Variants in PRPSAP2 observed in about 807,000 individuals in gnomAD.
PRPSAP2 encodes phosphoribosyl pyrophosphate synthase-associated protein 2.
PRPSAP2 carries 24 observed loss-of-function variants against 40.6 expected under a neutral mutation model. That is an observed-to-expected ratio of 0.59 (90% CI 0.43 to 0.83). PRPSAP2 has a LOEUF of 0.83. PRPSAP2 is among the 40% of genes least tolerant of loss of function. PRPSAP2 has a pLI of 0.00. For missense variants in PRPSAP2, 292 were observed against 465.6 expected, an observed-to-expected ratio of 0.63 and a Z score of 3.43; for synonymous variants, 149 against 164.7, an observed-to-expected ratio of 0.90 and a Z score of 0.73.
chr17:18,914,495 A>G (rs1298329843), intron 9 of PRPSAP2, among the ~76,000 whole-genome samples: 1 of 151,456 alleles, frequency 6.6e-6, no homozygotes, highest in Admixed American at 6.6e-5. Context: ...CTTGGGCTCA[A>G]GCAATCCTCC....
intron 7 of PRPSAP2, among the ~76,000 whole-genome samples, chr17:18,883,586 A>C (rs1597597812): frequency 6.6e-6 from 1 of 151,902 alleles, no homozygotes; most frequent in Non-Finnish European, 1.5e-5. Context: ...ATGGGGTTTC[A>C]CCATGTTGGC....
chr17:18,922,923 T>C (rs1489686758), intron 9 of PRPSAP2, among the ~76,000 whole-genome samples: 1 of 151,478 alleles, frequency 6.6e-6, no homozygotes, highest in Non-Finnish European at 1.5e-5. Context: ...AGGCAATCTG[T>C]CCACCTCGGC....
intron 8 of PRPSAP2, 117 bp from the exon 9 acceptor site, chr17:18,910,986 C>T: frequency 8.0e-7 from 1 of 1,243,194 alleles, no homozygotes. Flanking sequence ...TCTCTCTTTT[C>T]TTTAGTCCTT....
chr17:18,926,354 C>T (rs1242113127), intron 10 of PRPSAP2, among the ~76,000 whole-genome samples: 1 of 151,672 alleles, frequency 6.6e-6, no homozygotes, highest in East Asian at 1.9e-4. Flanking sequence ...GCAACCTCCA[C>T]CTCCTGGGTT....
intron 5 of PRPSAP2, among the ~76,000 whole-genome samples, chr17:18,875,943 G>A (rs2038269278): frequency 6.6e-6 from 1 of 151,784 alleles, no homozygotes; most frequent in Admixed American, 6.6e-5. Flanking sequence ...AGACCAGCCT[G>A]ACCAACATGG....
Position 18,923,765 on chromosome 17 carries a change from G to GTT in PRPSAP2, c.734-149_734-148insTT. On this transcript the variant is annotated intron_variant, in intron 9 of 11. Transcript: ENST00000268835. ...GCCATAAAGTATCAAGTTAGCTGTG[G>GTT]GTTTTTGTAGTTGCCCTTAATCAGA... 2.9e-6 allele frequency: 2 copies of GTT among 682,146 alleles called. 1 individual carries two copies. The highest frequency in any genetic ancestry group is 5.2e-5 in the South Asian group (2 of 38,530). The allele number at this position is 682,146 out of a possible 1,614,324, so 42.3% of individuals were successfully genotyped here. A position where few individuals can be genotyped will look rare whatever the true frequency, so the allele number is the denominator to read the frequency against.
chr17:18,886,077 A>G (rs1217199321), intron 7 of PRPSAP2, among the ~76,000 whole-genome samples: 1 of 152,062 alleles, frequency 6.6e-6, no homozygotes, highest in Non-Finnish European at 1.5e-5. Flanking sequence ...CGTGTGTTAG[A>G]GCCTCTTAAA....
intron 8 of PRPSAP2, among the ~76,000 whole-genome samples, chr17:18,899,818 GA>G (rs914312528): frequency 4.6e-5 from 7 of 151,876 alleles, no homozygotes; most frequent in African/African-American, 1.7e-4. Context: ...TTACAGGTGT[GA>G]GCCACCACCC....
chr17:18,913,480 A>G (rs2041090547), intron 9 of PRPSAP2, among the ~76,000 whole-genome samples: 1 of 151,640 alleles, frequency 6.6e-6, no homozygotes, highest in South Asian at 2.1e-4. Context: ...GGGCAGTCAC[A>G]AAGATCTCAG....
In PRPSAP2 at chr17:18,901,212, C is replaced by G. The variant is rs539106361; in HGVS notation, c.585-9891C>G. On this transcript the variant is annotated intron_variant, in intron 8 of 11. Transcript: ENST00000268835. ...AGTCCTTTGACTAGGGAGAGCCGAC[C>G]TTTGTTGGAGCTTTTCTTGTCTTTG... Among the ~76,000 whole-genome samples the G allele has an allele frequency of 5.3e-5, 8 of 152,248 alleles. No homozygotes were observed. The South Asian group carries it at 1.2e-3, about 24-fold the overall frequency.
At chr17:18,909,500 T>G (rs1198739461) in intron 8 of PRPSAP2, among the ~76,000 whole-genome samples, 1 of 151,952 alleles carries the variant, frequency 6.6e-6, no homozygotes, top group Non-Finnish European at 1.5e-5. Flanking sequence ...CACCTTGGCC[T>G]CCCAAAGTGC....
At chr17:18,905,320 C>T (rs1260890723) in intron 8 of PRPSAP2, among the ~76,000 whole-genome samples, 1 of 152,084 alleles carries the variant, frequency 6.6e-6, no homozygotes, top group Non-Finnish European at 1.5e-5. Flanking sequence ...GCCACCGCAC[C>T]CGGCCATGAT....
chr17:18,897,705 T>A (rs1028915011), intron 8 of PRPSAP2, among the ~76,000 whole-genome samples: 2 of 152,150 alleles, frequency 1.3e-5, no homozygotes, highest in Non-Finnish European at 2.9e-5. Context: ...TCAGGTAATC[T>A]GCCTGCCTTG....
intron 8 of PRPSAP2, among the ~76,000 whole-genome samples, chr17:18,907,872 C>A (rs76595247): frequency 6.6e-6 from 1 of 152,274 alleles, no homozygotes; most frequent in African/African-American, 2.4e-5. Flanking sequence ...CGCGGTGGCT[C>A]ATGCCTGTAT....
intron 11 of PRPSAP2, 44 bp from the exon 12 acceptor site, chr17:18,930,496 A>G (rs368470369): frequency 6.3e-7 from 1 of 1,584,460 alleles, no homozygotes; most frequent in Non-Finnish European, 8.6e-7. Flanking sequence ...CCATGAAGCT[A>G]CTTGGCTTTC....
intron 8 of PRPSAP2, among the ~76,000 whole-genome samples, chr17:18,892,540 A>C (rs545215253): frequency 1.3e-5 from 2 of 148,308 alleles, no homozygotes; most frequent in Admixed American, 6.8e-5. Context: ...GTGAAATTCT[A>C]CCTTATCGTG....
chr17:18,894,254 G>A (rs993250941), intron 8 of PRPSAP2, among the ~76,000 whole-genome samples: 2 of 151,596 alleles, frequency 1.3e-5, no homozygotes, highest in African/African-American at 4.8e-5. Context: ...CCACCTCTCG[G>A]GTTCAAGTGA....
intron 8 of PRPSAP2, among the ~76,000 whole-genome samples, chr17:18,905,863 G>A (rs544263021): frequency 1.3e-5 from 2 of 152,320 alleles, no homozygotes; most frequent in African/African-American, 4.8e-5. Flanking sequence ...GATTACAGGC[G>A]TGAGCCACTG....
intron 1 of PRPSAP2, among the ~76,000 whole-genome samples, chr17:18,863,279 C>G (rs75267874): frequency 0.01 from 1,591 of 151,952 alleles, 19 homozygotes; most frequent in African/African-American, 0.037. Context: ...TTTGTAGAGA[C>G]TAGGTCTCAC....
Sources: gnomAD v4.1 joint callset for allele counts (sites outside exome capture counted in the v4.1 genomes callset) on GRCh38, gnomAD v4.1.1 for gene constraint, MANE v1.5 for transcripts, NCBI Gene and HGNC (gene_info 2026-07-23, HGNC 2026-07-21) for gene names.